The following ITPRID1 variants were observed in gnomAD, a reference collection of about 807,000 sequenced individuals.
ITPRID1 encodes the protein ITPR interacting domain containing 1, also known as protein ITPRID1.
A neutral mutation model predicts 95.4 loss-of-function variants in ITPRID1; 96 were observed. The observed-to-expected ratio is 1.01, with a 90% CI of 0.85 to 1.19. ITPRID1 has a LOEUF of 1.19. Ranked by LOEUF, ITPRID1 falls within the 50% of genes most tolerant of loss-of-function variation. The pLI, the probability that ITPRID1 is intolerant of heterozygous loss-of-function variation, is 0.00. For missense variants in ITPRID1, 1,339 were observed against 1,252.9 expected, an observed-to-expected ratio of 1.07 and a Z score of -1.04; for synonymous variants, 510 against 453.6, an observed-to-expected ratio of 1.12 and a Z score of -1.58.
intron 12 of ITPRID1, among the ~76,000 whole-genome samples, chr7:31,647,386 G>T (rs574645107): frequency 6.6e-6 from 1 of 152,238 alleles, no homozygotes; most frequent in Non-Finnish European, 1.5e-5. Flanking sequence ...GGGAGGCCAG[G>T]CATGGTGGCT....
chr7:31,648,346 A>C (rs1790665552), intron 12 of ITPRID1, among the ~76,000 whole-genome samples: 1 of 151,968 alleles, frequency 6.6e-6, no homozygotes. Flanking sequence ...AGAAGAAGAA[A>C]AAGAAGAAAT....
intron 10 of ITPRID1, among the ~76,000 whole-genome samples, chr7:31,587,691 A>T (rs2128152341): frequency 6.6e-6 from 1 of 151,686 alleles, no homozygotes; most frequent in Admixed American, 6.6e-5. Context: ...AGGCAATCCT[A>T]AGCCAAAAGA....
intron 12 of ITPRID1, among the ~76,000 whole-genome samples, chr7:31,649,075 G>A (rs1011181856): frequency 1.3e-5 from 2 of 152,218 alleles, no homozygotes; most frequent in Non-Finnish European, 2.9e-5. Context: ...TGATGCAAGA[G>A]TAATTGCAAA....
intron 1 of ITPRID1, among the ~76,000 whole-genome samples, chr7:31,545,164 C>A (rs12154894): frequency 0.21 from 32,185 of 151,932 alleles, 3,623 homozygotes; most frequent in East Asian, 0.33. Flanking sequence ...AGAATAAGTT[C>A]TATTTGAGTT....
chr7:31,607,395 G>A (rs1399165342), intron 10 of ITPRID1, among the ~76,000 whole-genome samples: 2 of 152,024 alleles, frequency 1.3e-5, no homozygotes, highest in Non-Finnish European at 2.9e-5. Flanking sequence ...TTGAGACCTC[G>A]TGTTTAAACA....
At chr7:31,537,097 G>T (rs13311204) in intron 1 of ITPRID1, among the ~76,000 whole-genome samples, 1 of 28,822 alleles carries the variant, frequency 3.5e-5, no homozygotes, top group Non-Finnish European at 6.9e-5. Flanking sequence ...TGTGTGTGTT[G>T]TGTGTGTGTG....
intron 1 of ITPRID1, among the ~76,000 whole-genome samples, chr7:31,547,735 T>G (rs1784147279): frequency 1.3e-5 from 2 of 152,084 alleles, no homozygotes; most frequent in Non-Finnish European, 2.9e-5. Context: ...ACTGCCTGAA[T>G]AGTGGCCCTG....
chr7:31,544,795 T>C (rs1784045109), intron 1 of ITPRID1, among the ~76,000 whole-genome samples: 3 of 152,140 alleles, frequency 2.0e-5, no homozygotes, highest in Non-Finnish European at 2.9e-5. Context: ...TGTACTTTTA[T>C]AAGCAACTTC....
In ITPRID1 at chr7:31,521,879, A is replaced by G. The variant is rs1583455406; in HGVS notation, c.-98+7759A>G. Among the ~76,000 whole-genome samples, 3 of 148,844 alleles carry G rather than the reference A, an allele frequency of 2.0e-5. No homozygotes were observed. The South Asian group carries it at 6.5e-4, about 32-fold the overall frequency. ...TACCCGAGTAGCTAGGACTACAGGC[A>G]TGGACCTCCACATGGGCTAATTTAA... On this transcript the variant is annotated intron_variant, in intron 1 of 14. Coordinates refer to ENST00000615280, the MANE Select transcript of ITPRID1 (RefSeq NM_001257967.3).
rs1009498615 is a variant in ITPRID1, at chr7:31,583,250, G to T, written c.1228+59G>T. 135 of 1,182,906 alleles carry T rather than the reference G, an allele frequency of 1.1e-4. 1 individual carries two copies. The Admixed American group carries it at 2.4e-3, about 21-fold the overall frequency. 73.3% of individuals were successfully genotyped at this position (1,182,906 alleles called of 1,614,324 possible). A position where few individuals can be genotyped will look rare whatever the true frequency, so the allele number is the denominator to read the frequency against. ...TGGTCTTTCAGAATGTAAATAACTG[G>T]TATTTAAATTTCTTAATATGTACAG... On this transcript the variant is annotated intron_variant, in intron 10 of 14. Coordinates refer to ENST00000615280, the MANE Select transcript of ITPRID1 (RefSeq NM_001257967.3).
intron 10 of ITPRID1, among the ~76,000 whole-genome samples, chr7:31,606,204 CA>C: frequency 6.6e-6 from 1 of 151,580 alleles, no homozygotes; most frequent in East Asian, 1.9e-4. Context: ...TTTAAAAAAC[CA>C]GTATTTGCTC....
At chr7:31,627,720 T>C (rs1256993481) in intron 10 of ITPRID1, among the ~76,000 whole-genome samples, 2 of 149,280 alleles carry the variant, frequency 1.3e-5, no homozygotes, top group Non-Finnish European at 3.0e-5. Flanking sequence ...TGACTAAACT[T>C]GACAGAATGG....
chr7:31,582,553 G>GT (rs936154751), intron 9 of ITPRID1, among the ~76,000 whole-genome samples: 1 of 151,844 alleles, frequency 6.6e-6, no homozygotes, highest in African/African-American at 2.4e-5. Context: ...GCCCAACCCT[G>GT]TTTTTTTACC....
chr7:31,534,045 AT>A (rs1163908366), intron 1 of ITPRID1, among the ~76,000 whole-genome samples: 1 of 152,116 alleles, frequency 6.6e-6, no homozygotes, highest in East Asian at 1.9e-4. Context: ...TGTGAACCCT[AT>A]TGCAAACTGC....
In ITPRID1 at chr7:31,554,880, C is replaced by G. The variant is rs1164089846; in HGVS notation, c.235C>G (p.Gln79Glu). 23 of 1,582,502 alleles carry G rather than the reference C, an allele frequency of 1.5e-5. No individual in the cohort carries two copies. The highest frequency in any genetic ancestry group is 1.7e-5 in the Non-Finnish European group (20 of 1,162,142). ...CAGTGTCTCTGCAAATGAAAACTTTCAACAAGTCATTGACCGCACTGGTAA... is the reference window on the plus strand; with the variant it reads ...CAGTGTCTCTGCAAATGAAAACTTTGAACAAGTCATTGACCGCACTGGTAA... ...GFFVSANENF[Q>E]QVIDRTVSLY... Residue 79 changes from glutamine (Q) to glutamate (E), a missense_variant, in exon 5 of 15, where the codon CAA (glutamine) becomes GAA (glutamate). Physicochemically the swap from Gln to Glu is conservative, Grantham distance 29 (BLOSUM62 2). Transcript: ENST00000615280.
rs752561168 is a variant in ITPRID1 at position 31,578,303 on chromosome 7, G to C, written c.1039G>C (p.Ala347Pro). 2 of 1,613,886 alleles carry C rather than the reference G, an allele frequency of 1.2e-6. No homozygotes were observed. Among genetic ancestry groups the C allele is most frequent in the South Asian group, 2.2e-5 (2 of 91,084 alleles). Reference protein sequence around the residue: ...WPCSSMPAKQAPPSCVSEGSV... With the variant: ...WPCSSMPAKQPPPSCVSEGSV... ...TTGCTCATCTATGCCGGCCAAGCAG[G>C]CTCCTCCTTCCTGTGTGTCTGAGGG... Residue 347 changes from alanine to proline, a missense_variant, in exon 9 of 15, where the codon GCT (alanine) becomes CCT (proline). Physicochemically the swap from Ala to Pro is conservative, Grantham distance 27. Transcript: ENST00000615280.
At chr7:31,525,243 C>G (rs968913846) in intron 1 of ITPRID1, among the ~76,000 whole-genome samples, 1 of 152,196 alleles carries the variant, frequency 6.6e-6, no homozygotes, top group Non-Finnish European at 1.5e-5. Flanking sequence ...GCCAGAGCTG[C>G]CACTGAGCAC....
chr7:31,644,662 A>AT (rs1476702441), intron 12 of ITPRID1, among the ~76,000 whole-genome samples: 1 of 152,212 alleles, frequency 6.6e-6, no homozygotes, highest in African/African-American at 2.4e-5. Context: ...CTAGCCCTTG[A>AT]TTAATCAGTA....
chr7:31,628,527 A>G (rs1400439647), intron 10 of ITPRID1, among the ~76,000 whole-genome samples: 6 of 149,130 alleles, frequency 4.0e-5, no homozygotes, highest in Non-Finnish European at 8.9e-5. Context: ...GCGCGACCTC[A>G]GCTCACTGCA....
Sources: gnomAD v4.1 joint callset for allele counts (sites outside exome capture counted in the v4.1 genomes callset) on GRCh38, gnomAD v4.1.1 for gene constraint, MANE v1.5 for transcripts, NCBI Gene and HGNC (gene_info 2026-07-23, HGNC 2026-07-21) for gene names.